The following SHE variants were observed in gnomAD, a reference collection of about 807,000 sequenced individuals.
SHE encodes the protein Src homology 2 domain containing E, also known as SH2 domain-containing adapter protein E.
Under a neutral mutation model 49.8 loss-of-function variants are expected in SHE, and 11 were observed. The ratio of observed to expected loss-of-function variants is 0.22; its 90% CI spans 0.14 to 0.37. SHE has a LOEUF of 0.37. Ranked by LOEUF, SHE falls within the 10% of genes least tolerant of loss-of-function variation. The pLI is 1.00. For synonymous variants in SHE, 310 were observed against 278.1 expected, an observed-to-expected ratio of 1.11 and a Z score of -1.14; for missense variants, 624 against 655.5, an observed-to-expected ratio of 0.95 and a Z score of 0.52.
downstream of SHE, among the ~76,000 whole-genome samples, chr1:154,474,775 T>C (rs1254755247): frequency 6.6e-6 from 1 of 152,146 alleles, no homozygotes; most frequent in Non-Finnish European, 1.5e-5. Context: ...AAAGTGCTAT[T>C]ACAGGCGTGA....
In SHE at chr1:154,489,178, C is replaced by T. The variant is rs764322822; in HGVS notation, c.897G>A (p.Gly299=). The change falls in exon 3 of 6, where the codon GGG becomes GGA. Residue 299 remains glycine, a synonymous_variant. Transcript: ENST00000304760. ...GCGCCTTCCCCTCTGCCCTGGGCCC[C>T]CCTTCTGCAGGCTCGTAGGGAGTGT... The part of the protein sequence containing the change: ...LYDTPYEPAE[G]GPRAEGKARP... 5.0e-6 allele frequency: 8 copies of T among 1,614,168 alleles called. No homozygotes were observed. The highest frequency in any genetic ancestry group is 2.2e-5 in the East Asian group (1 of 44,872).
chr1:154,478,094 C>G (rs1691927201), downstream of SHE, among the ~76,000 whole-genome samples: 1 of 152,076 alleles, frequency 6.6e-6, no homozygotes, highest in Non-Finnish European at 1.5e-5. Flanking sequence ...TGGTCTGTGT[C>G]AGGATTCCCT....
In SHE at chr1:154,502,190, A is replaced by G. The variant is rs1458514915; in HGVS notation, c.-164T>C. ...GCTCCGGACACGGCAGGCGACAGGC[A>G]CGACGCGCGGGGGGCCCCGCCCGGG... is the stretch of plus-strand genomic sequence containing the variant. On this transcript the variant is annotated 5_prime_UTR_variant, in exon 1 of 6. Coordinates refer to ENST00000304760, the MANE Select transcript of SHE (RefSeq NM_001010846.3). 1.7e-5 allele frequency: 7 copies of G among 419,308 alleles called. No individual in the cohort carries two copies. The highest frequency in any genetic ancestry group is 2.5e-5 in the Non-Finnish European group (7 of 278,478). The allele number at this position is 419,308 out of a possible 1,614,324, so 26.0% of individuals were successfully genotyped here.
rs905724912 is a variant in SHE, at chr1:154,482,518, G to A, written c.*1631C>T. On this transcript the variant is annotated 3_prime_UTR_variant, in exon 6 of 6. Coordinates refer to ENST00000304760, the MANE Select transcript of SHE (RefSeq NM_001010846.3). ...AAAAAATTAACCAAATCAACATTTTGTGTGTATTTATAAGCTACAAAGGTT... is the reference window on the plus strand; with the variant it reads ...AAAAAATTAACCAAATCAACATTTTATGTGTATTTATAAGCTACAAAGGTT... The A allele has an allele frequency of 3.3e-5, 33 of 985,210 alleles. No homozygotes were observed. The highest frequency in any genetic ancestry group is 1.0e-3 in the Middle Eastern group (2 of 1,936). 61.0% of individuals were successfully genotyped at this position (985,210 alleles called of 1,614,324 possible).
chr1:154,499,187 C>T lies in SHE; in HGVS notation c.643G>A (p.Gly215Ser), dbSNP rs748446807. ...CCGACTCTCTCTGCATCCCTTTGAC[C>T]CTTTGTCCGTTTGGCATCATAAGGG... is the stretch of plus-strand genomic sequence containing the variant. ...ADPYDAKRTK[G>S]QRDAERVGEN... The change falls in exon 2 of 6, where the codon GGT becomes AGT. Residue 215 changes from glycine to serine, a missense_variant. Coordinates refer to ENST00000304760, the MANE Select transcript of SHE (RefSeq NM_001010846.3). 7 of 1,614,092 alleles carry T rather than the reference C, an allele frequency of 4.3e-6. No individual in the cohort carries two copies. The highest frequency in any genetic ancestry group is 5.9e-6 in the Non-Finnish European group (7 of 1,179,998).
intron 2 of SHE, among the ~76,000 whole-genome samples, chr1:154,498,090 AGTTTTTGTTT>A (rs1692591308): frequency 1.3e-5 from 2 of 149,370 alleles, no homozygotes; most frequent in African/African-American, 4.9e-5. Context: ...TCATGTTTGC[AGTTTTTGTTT>A]GTTTTTTTTG....
At chr1:154,499,278 G>A (rs147173179) in intron 1 of SHE, 40 bp from the exon 2 acceptor site, 184 of 1,582,750 alleles carry the variant, frequency 1.2e-4, no homozygotes, top group Non-Finnish European at 1.5e-4. Flanking sequence ...AAGGGCCACC[G>A]TATACCAAAA....
intron 1 of SHE, among the ~76,000 whole-genome samples, chr1:154,499,937 C>G (rs373471538): frequency 6.6e-6 from 1 of 152,144 alleles, no homozygotes. Context: ...ATAGAAGGCA[C>G]CTGAGGAGGT....
intron 3 of SHE, among the ~76,000 whole-genome samples, chr1:154,487,156 C>A (rs1692204839): frequency 6.6e-6 from 1 of 151,776 alleles, no homozygotes; most frequent in East Asian, 2.0e-4. Flanking sequence ...CTTGGAGTCC[C>A]AGCTACTTGG....
rs1692197871 is a variant in SHE, at chr1:154,486,960, A to G, written c.1025-277T>C. Among the ~76,000 whole-genome samples the G allele has an allele frequency of 2.0e-5, 3 of 152,306 alleles. No individual in the cohort carries two copies. The South Asian group carries it at 6.2e-4, about 32-fold the overall frequency. On this transcript the variant is annotated intron_variant, in intron 3 of 5. Coordinates refer to ENST00000304760, the MANE Select transcript of SHE (RefSeq NM_001010846.3). ...AGAGGAAACCACTTTAATGTATTTCAACATGGACTTTTAAAAAACTTGTGG... is the reference window on the plus strand; with the variant it reads ...AGAGGAAACCACTTTAATGTATTTCGACATGGACTTTTAAAAAACTTGTGG...
At chr1:154,476,610 C>T (rs936555652), downstream of SHE, among the ~76,000 whole-genome samples, 8 of 150,938 alleles carry the variant, frequency 5.3e-5, no homozygotes, top group Admixed American at 4.0e-4. Context: ...CCAGCCTAGG[C>T]GACAGAGTGA....
In SHE at chr1:154,485,949, G is replaced by A. The variant is rs762087743; in HGVS notation, c.1295C>T (p.Ala432Val). The A allele has an allele frequency of 6.2e-7, 1 of 1,613,876 alleles. No individual in the cohort carries two copies. Among genetic ancestry groups the A allele is most frequent in the South Asian group, 1.1e-5 (1 of 91,076 alleles). Residue 432 changes from alanine to valine, a missense_variant, in exon 5 of 6, where the codon GCC becomes GTC. This residue lies in a region of SHE where 125 missense variants were observed against 181.7 expected (regional missense o/e 0.69). Transcript: ENST00000304760. The part of the protein sequence containing the change: ...SESGNSRYSI[A>V]LKTSQGCVHI... ...AGCCATGGGGCTTACTTACTTTAGG[G>A]CAATGGAGTACCTGCTGTTCCCTGA...
Position 154,486,640 on chromosome 1 carries a change from T to C in SHE, c.1068A>G (p.Thr356=). ...TCTTCTGCCGGTGGTGCTGCCTCAC[T>C]GTCTCCTCCCTGAAGGAAGGTCGCT... The part of the protein sequence containing the change: ...GAERPSFREE[T]VRQHHRQKSW... Residue 356 remains threonine, a synonymous_variant, in exon 4 of 6, where the codon ACA becomes ACG. Transcript: ENST00000304760. 6.2e-7 allele frequency: 1 copy of C among 1,614,202 alleles called. No homozygotes were observed. Among genetic ancestry groups the C allele is most frequent in the Non-Finnish European group, 8.5e-7 (1 of 1,180,034 alleles).
At chr1:154,489,417 A>G in intron 2 of SHE, 61 bp from the exon 3 acceptor site, 4 of 1,557,850 alleles carry the variant, frequency 2.6e-6, no homozygotes, top group Non-Finnish European at 3.5e-6. Context: ...GAAAGCAAAG[A>G]TGCCATAAAA....
Position 154,482,620 on chromosome 1 carries a change from G to C in SHE, c.*1529C>G, listed in dbSNP as rs1692050755. 1 of 985,284 alleles carries C rather than the reference G, an allele frequency of 1.0e-6. No homozygotes were observed. The highest frequency in any genetic ancestry group is 1.7e-5 in the African/African-American group (1 of 57,212). The allele number at this position is 985,284 out of a possible 1,614,324, so 61.0% of individuals were successfully genotyped here. ...CCCAAATGACCAACCCCAGAATACA[G>C]ACACATCTGCTGAATTTTAATTCTG... On this transcript the variant is annotated 3_prime_UTR_variant, in exon 6 of 6. Transcript: ENST00000304760.
At position 154,482,756 on chromosome 1, in the gene SHE, T is replaced by C. The variant is rs1171168550; in HGVS notation, c.*1393A>G. ...ATAAATCATAAAGATCCTAATACTATGAATCTTAAGTAATGGTATTTAAGA... is the reference window on the plus strand; with the variant it reads ...ATAAATCATAAAGATCCTAATACTACGAATCTTAAGTAATGGTATTTAAGA... On this transcript the variant is annotated 3_prime_UTR_variant, in exon 6 of 6. Coordinates refer to ENST00000304760, the MANE Select transcript of SHE (RefSeq NM_001010846.3). 2.0e-6 allele frequency: 2 copies of C among 985,324 alleles called. No individual in the cohort carries two copies. Among genetic ancestry groups the C allele is most frequent in the East Asian group, 1.1e-4 (1 of 8,820 alleles). The allele number at this position is 985,324 out of a possible 1,614,324, so 61.0% of individuals were successfully genotyped here. A position where few individuals can be genotyped will look rare whatever the true frequency, so the allele number is the denominator to read the frequency against.
In SHE at chr1:154,481,228, GC is replaced by G. The variant is rs1692011269; in HGVS notation, c.*2920del. 5 of 985,394 alleles carry G rather than the reference GC, an allele frequency of 5.1e-6. No individual in the cohort carries two copies. The highest frequency in any genetic ancestry group is 6.0e-6 in the Non-Finnish European group (5 of 829,934). 61.0% of individuals were successfully genotyped at this position (985,394 alleles called of 1,614,324 possible). ...ATATGGAACTTTGTGCCACCACACAGCTGTGAACTCCCTGGCTTTTGTCAGC... is the reference window on the plus strand; with the variant it reads ...ATATGGAACTTTGTGCCACCACACAGTGTGAACTCCCTGGCTTTTGTCAGC... On this transcript the variant is annotated 3_prime_UTR_variant, in exon 6 of 6. Transcript: ENST00000304760.
At chr1:154,492,410 C>A (rs1220210883) in intron 2 of SHE, among the ~76,000 whole-genome samples, 1 of 152,200 alleles carries the variant, frequency 6.6e-6, no homozygotes, top group Non-Finnish European at 1.5e-5. Flanking sequence ...TTCTCCGGAG[C>A]CTGTCATTGC....
At chr1:154,486,262 AGAGT>A (rs1194063933) in intron 4 of SHE, among the ~76,000 whole-genome samples, 200 bp from the exon 5 acceptor site, 1 of 152,228 alleles carries the variant, frequency 6.6e-6, no homozygotes, top group Non-Finnish European at 1.5e-5. Context: ...CAATCATACA[AGAGT>A]GAGTTAACGG....
Sources: allele counts gnomAD v4.1 joint callset (sites outside exome capture counted in the v4.1 genomes callset), GRCh38; gene constraint gnomAD v4.1.1; regional missense constraint gnomAD v4.1.1; transcripts MANE v1.5; gene names NCBI Gene and HGNC (gene_info 2026-07-23, HGNC 2026-07-21).